BPTF: variants seen among roughly 807,000 people sequenced by gnomAD.
BPTF encodes nucleosome-remodeling factor subunit BPTF.
In BPTF, 18 loss-of-function variants were observed where a neutral mutation model predicts 292.5. The observed-to-expected ratio is 0.06, with a 90% CI of 0.04 to 0.09. The LOEUF (loss-of-function observed/expected upper bound fraction) is 0.09. Ranked by LOEUF, BPTF falls within the 10% of genes least tolerant of loss-of-function variation. The pLI is 1.00. For synonymous variants in BPTF, 1,225 were observed against 1,251.9 expected, an observed-to-expected ratio of 0.98 and a Z score of 0.45; for missense variants, 2,726 against 3,498.7, an observed-to-expected ratio of 0.78 and a Z score of 5.57.
At chr17:67,972,569 G>GAA (rs2068883136) in intron 26 of BPTF, among the ~76,000 whole-genome samples, 1 of 152,044 alleles carries the variant, frequency 6.6e-6, no homozygotes, top group Non-Finnish European at 1.5e-5. Context: ...ATATACTAAA[G>GAA]ACAAGTAAAA....
At chr17:67,932,159 G>T in intron 18 of BPTF, 140 bp downstream of exon 18, 1 of 698,696 alleles carries the variant, frequency 1.4e-6, no homozygotes, top group Non-Finnish European at 2.4e-6. Context: ...AATCCATTGT[G>T]AGCTCTATTC....
intron 19 of BPTF, among the ~76,000 whole-genome samples, chr17:67,941,908 A>T (rs1191644978): frequency 2.0e-5 from 3 of 152,258 alleles, no homozygotes; most frequent in African/African-American, 7.2e-5. Flanking sequence ...GAGTGAAGAA[A>T]ATGAGAAAAG....
intron 23 of BPTF, among the ~76,000 whole-genome samples, chr17:67,952,714 G>A (rs141405500): frequency 4.0e-4 from 61 of 152,116 alleles, no homozygotes; most frequent in South Asian, 1.2e-3. Flanking sequence ...TATTATTAAC[G>A]AAAGTCCATA....
At chr17:67,838,423 A>G (rs1339199502) in intron 1 of BPTF, among the ~76,000 whole-genome samples, 3 of 152,218 alleles carry the variant, frequency 2.0e-5, no homozygotes, top group Non-Finnish European at 4.4e-5. Flanking sequence ...AACCCAGAAC[A>G]TTAATATTTT....
At chr17:67,869,463 A>G (rs1223644041) in intron 3 of BPTF, among the ~76,000 whole-genome samples, 1 of 152,162 alleles carries the variant, frequency 6.6e-6, no homozygotes, top group Non-Finnish European at 1.5e-5. Context: ...TTATCATGTG[A>G]TAGAACACTG....
chr17:67,981,385 C>T, intron 27 of BPTF: 1 of 847,044 alleles, frequency 1.2e-6, no homozygotes, highest in Non-Finnish European at 1.6e-6. Context: ...CATTACTGCA[C>T]TTTGTTATAA....
In BPTF at chr17:67,928,428, C is replaced by T. The variant is rs2064098492; in HGVS notation, c.5825C>T (p.Thr1942Ile). 1 of 1,614,066 alleles carries T rather than the reference C, an allele frequency of 6.2e-7. No individual in the cohort carries two copies. The highest frequency in any genetic ancestry group is 1.7e-5 in the Admixed American group (1 of 59,992). The change falls in exon 16 of 28, where the codon ACC becomes ATC. Residue 1942 changes from threonine to isoleucine, a missense_variant. Physicochemically the swap from Thr to Ile is moderately conservative, Grantham distance 89. Coordinates refer to ENST00000306378, the MANE Select transcript of BPTF (RefSeq NM_182641.4). ...TCCCCAACAAGCAGTACAACCAGCA[C>T]CATCTCTCCAGCACAGAAGGTTATG... ...TTSPTSSTTS[T>I]ISPAQKVMVA...
At chr17:67,914,370 A>G (rs1350184022) in intron 11 of BPTF, among the ~76,000 whole-genome samples, 2 of 152,220 alleles carry the variant, frequency 1.3e-5, no homozygotes, top group African/African-American at 4.8e-5. Flanking sequence ...ATAAAATATC[A>G]TCACTCCATT....
At position 67,940,476 on chromosome 17, in the gene BPTF, G is replaced by A. The variant is rs1257606417; in HGVS notation, c.6297G>A (p.Gly2099=). The A allele has an allele frequency of 8.1e-6, 13 of 1,613,966 alleles. No individual in the cohort carries two copies. Among genetic ancestry groups the A allele is most frequent in the South Asian group, 2.2e-5 (2 of 91,080 alleles). The change falls in exon 19 of 28, where the codon GGG becomes GGA. Residue 2099 remains glycine (G), a synonymous_variant. Transcript: ENST00000306378. ...PQQVMTQIIR[G]QPVSTAVSAP... is the part of the protein sequence containing the mutation. Reference sequence around the variant, plus strand: ...AAGTGATGACTCAAATCATCAGGGGGCAGCCTGTCTCCACTGCAGTCTCCG... The same window carrying A: ...AAGTGATGACTCAAATCATCAGGGGACAGCCTGTCTCCACTGCAGTCTCCG...
chr17:67,914,312 T>G (rs983007618), intron 11 of BPTF, among the ~76,000 whole-genome samples: 1 of 152,196 alleles, frequency 6.6e-6, no homozygotes, highest in Non-Finnish European at 1.5e-5. Context: ...ATACAACCAG[T>G]CATAGTTTGT....
Position 67,929,476 on chromosome 17 carries a change from A to G in BPTF, c.6139A>G (p.Ser2047Gly). The G allele has an allele frequency of 1.2e-6, 2 of 1,614,110 alleles. No homozygotes were observed. The highest frequency in any genetic ancestry group is 1.7e-6 in the Non-Finnish European group (2 of 1,179,996). ...TACCTCAGGCTCTGGAGGAACCACAAGCAATTCACAAGTAAGAATTCTTAC... is the reference window on the plus strand; with the variant it reads ...TACCTCAGGCTCTGGAGGAACCACAGGCAATTCACAAGTAAGAATTCTTAC... ...PNTSGSGGTT[S>G]NSQVITGPQI... The change falls in exon 17 of 28, where the codon AGC becomes GGC. Residue 2047 changes from serine (S) to glycine (G), a missense_variant. By Grantham distance (56) the Ser-to-Gly change is moderately conservative (BLOSUM62 0). This residue lies in a region of BPTF where 570 missense variants were observed against 633.5 expected (regional missense o/e 0.90). Transcript: ENST00000306378.
At chr17:67,944,068 C>T (rs2065609803) in intron 19 of BPTF, 82 bp from the exon 20 acceptor site, 9 of 1,000,304 alleles carry the variant, frequency 9.0e-6, no homozygotes, top group South Asian at 1.5e-5. Flanking sequence ...AAGATAATTA[C>T]ACATAAAAAT....
At chr17:67,857,080 T>C (rs548858602) in intron 2 of BPTF, among the ~76,000 whole-genome samples, 1 of 152,172 alleles carries the variant, frequency 6.6e-6, no homozygotes, top group Non-Finnish European at 1.5e-5. Flanking sequence ...CTTGTTCATC[T>C]ACTTTAAAAT....
At chr17:67,880,970 C>G (rs908770325) in intron 4 of BPTF, among the ~76,000 whole-genome samples, 9 of 151,610 alleles carry the variant, frequency 5.9e-5, no homozygotes, top group Non-Finnish European at 1.0e-4. Context: ...CACACACACA[C>G]ACACACACAC....
In BPTF at chr17:67,916,730, C is replaced by T. The variant is rs541161527; in HGVS notation, c.5304-1984C>T. Among the ~76,000 whole-genome samples the T allele has an allele frequency of 2.1e-3, 310 of 147,284 alleles. 3 individuals are homozygous for T. Among genetic ancestry groups the T allele is most frequent in the African/African-American group, 7.6e-3 (299 of 39,448 alleles). On this transcript the variant is annotated intron_variant, in intron 11 of 27. Coordinates refer to ENST00000306378, the MANE Select transcript of BPTF (RefSeq NM_182641.4). Reference sequence around the variant, plus strand: ...TCAGTGAGCCAAGATTGCTCCACTGCACTCCAGCCTGGGTGACAGAGCAAT... The same window carrying T: ...TCAGTGAGCCAAGATTGCTCCACTGTACTCCAGCCTGGGTGACAGAGCAAT...
rs576212411 is a variant in BPTF, at chr17:67,982,270, G to A, written c.8745G>A (p.Leu2915=). The A allele has an allele frequency of 1.2e-5, 20 of 1,610,702 alleles. No individual in the cohort carries two copies. Among genetic ancestry groups the A allele is most frequent in the Admixed American group, 3.3e-5 (2 of 59,738 alleles). Residue 2915 remains leucine (L), a synonymous_variant, in exon 28 of 28, where the codon CTG becomes CTA. Transcript: ENST00000306378. ...TCTGTAGGTCTCATAACAACAAACT[G>A]CAGTCTACAGCTTCTTAAAGTTCAG... ...FKASRSHNNK[L]QSTAS is the part of the protein sequence containing the mutation.
At chr17:67,887,904 G>A (rs1427096301) in intron 4 of BPTF, among the ~76,000 whole-genome samples, 1 of 152,182 alleles carries the variant, frequency 6.6e-6, no homozygotes, top group East Asian at 1.9e-4. Context: ...CAAAGGCAAG[G>A]CCCCTACTTC....
intron 1 of BPTF, among the ~76,000 whole-genome samples, chr17:67,837,972 A>G (rs532317866): frequency 1.2e-4 from 18 of 152,358 alleles, no homozygotes; most frequent in African/African-American, 3.6e-4. Flanking sequence ...AGTTTGGACC[A>G]TAGAGAAGTC....
chr17:67,827,206 A>G (rs2056155096), intron 1 of BPTF, among the ~76,000 whole-genome samples: 1 of 152,228 alleles, frequency 6.6e-6, no homozygotes, highest in South Asian at 2.1e-4. Context: ...TCTAGACATA[A>G]TTGCCGAAGA....
Sources: allele counts gnomAD v4.1 joint callset (sites outside exome capture counted in the v4.1 genomes callset), GRCh38; gene constraint gnomAD v4.1.1; regional missense constraint gnomAD v4.1.1; transcripts MANE v1.5; gene names NCBI Gene and HGNC (gene_info 2026-07-23, HGNC 2026-07-21).